The following BAD variants were observed in gnomAD, a reference collection of about 807,000 sequenced individuals.
The protein encoded by BAD is BCL2 associated agonist of cell death, also known as bcl2-associated agonist of cell death.
A neutral mutation model predicts 17.8 loss-of-function variants in BAD; 18 were observed. The observed-to-expected ratio is 1.01, with a 90% CI of 0.70 to 1.50. The LOEUF is 1.50. Among genes scored for constraint, BAD ranks in the 40% most tolerant of loss-of-function variants. BAD has a pLI of 0.00. For synonymous variants in BAD, 112 were observed against 91.5 expected (o/e 1.22, Z -1.28); for missense variants, 294 against 239.3 (o/e 1.23, Z -1.51).
intron 2 of BAD, among the ~76,000 whole-genome samples, chr11:64,273,277 G>A (rs2032776727): frequency 6.6e-6 from 1 of 152,228 alleles, no homozygotes; most frequent in South Asian, 2.1e-4. Flanking sequence ...GGAGGCTGAA[G>A]CAGGAGAACT....
At chr11:64,270,576 G>A (rs897648749) in intron 3 of BAD, 1 of 707,140 alleles carries the variant, frequency 1.4e-6, no homozygotes, top group South Asian at 1.5e-5. Flanking sequence ...AGGATGCCTA[G>A]GGCCCTAAAT....
At chr11:64,276,775 G>A in intron 2 of BAD, 1 of 616,414 alleles carries the variant, frequency 1.6e-6, no homozygotes, top group South Asian at 1.9e-5. Flanking sequence ...GCTCCTCCTT[G>A]GGTGTGAACG....
chr11:64,280,541 C>T (rs1174701388), intron 2 of BAD, among the ~76,000 whole-genome samples: 2 of 147,860 alleles, frequency 1.4e-5, no homozygotes, highest in South Asian at 2.2e-4. Context: ...TTAGTAGAGA[C>T]GGGGTTTCAC....
At chr11:64,276,747 G>A (rs929570444) in intron 2 of BAD, 2 of 587,298 alleles carry the variant, frequency 3.4e-6, no homozygotes, top group Non-Finnish European at 3.0e-6. Flanking sequence ...CCCTTCTCTG[G>A]GGAAGGGAAG....
chr11:64,273,951 G>A (rs902884459), intron 2 of BAD, among the ~76,000 whole-genome samples: 1 of 151,904 alleles, frequency 6.6e-6, no homozygotes, highest in African/African-American at 2.4e-5. Context: ...CTTTGGAGGA[G>A]GTAAATTACA....
intron 1 of BAD, 29 bp from the exon 2 acceptor site, chr11:64,284,405 G>C: frequency 6.2e-7 from 1 of 1,610,600 alleles, no homozygotes; most frequent in Non-Finnish European, 8.5e-7. Context: ...ACGTAGTCAA[G>C]GCACAGCTGG....
chr11:64,271,823 A>G lies in BAD; in HGVS notation c.188-20T>C. 7.3e-7 allele frequency: 1 copy of G among 1,373,384 alleles called. No homozygotes were observed. Among genetic ancestry groups the G allele is most frequent in the Non-Finnish European group, 9.4e-7 (1 of 1,062,274 alleles). The allele number at this position is 1,373,384 out of a possible 1,614,324, so 85.1% of individuals were successfully genotyped here. A position where few individuals can be genotyped will look rare whatever the true frequency, so the allele number is the denominator to read the frequency against. On this transcript the variant is annotated intron_variant, in intron 2 of 3. Coordinates refer to ENST00000309032, the MANE Select transcript of BAD (RefSeq NM_032989.3). The stretch of plus-strand genomic sequence containing the variant: ...CAGCGCCTGCAGAGGGTCAGTGGGT[A>G]GGGGGGCGACGTTAATCTCAGCTCC...
chr11:64,281,302 C>T (rs1037443463), intron 2 of BAD, among the ~76,000 whole-genome samples: 11 of 152,162 alleles, frequency 7.2e-5, no homozygotes, highest in Non-Finnish European at 5.9e-5. Context: ...ATCATCCTGA[C>T]TCCTCTCTTT....
Position 64,271,628 on chromosome 11 carries a change from A to C in BAD, c.363T>G (p.Phe121Leu). 1 of 1,499,616 alleles carries C rather than the reference A, an allele frequency of 6.7e-7. No homozygotes were observed. Among genetic ancestry groups the C allele is most frequent in the Admixed American group, 2.3e-5 (1 of 42,722 alleles). The allele number at this position is 1,499,616 out of a possible 1,614,324, so 92.9% of individuals were successfully genotyped here. A position where few individuals can be genotyped will look rare whatever the true frequency, so the allele number is the denominator to read the frequency against. The change falls in exon 3 of 4, where the codon TTT (phenylalanine) becomes TTG (leucine). Residue 121 changes from phenylalanine (F) to leucine (L), a missense_variant. Physicochemically the swap from Phe to Leu is conservative, Grantham distance 22 (BLOSUM62 0). Transcript: ENST00000309032. ...GRELRRMSDE[F>L]VDSFKKGLPR... ...TGGCGCTCACCTTAAAGGAGTCCAC[A>C]AACTCGTCACTCATCCTCCGGAGCT...
At chr11:64,273,016 A>C (rs1391301418) in intron 2 of BAD, among the ~76,000 whole-genome samples, 3 of 152,134 alleles carry the variant, frequency 2.0e-5, no homozygotes, top group Non-Finnish European at 4.4e-5. Context: ...GCTTGAGTTC[A>C]GGAGTTCGAG....
In BAD at chr11:64,269,845, G is replaced by T; in HGVS notation, c.*364C>A. ...GAAAAGCCTCGGCGGCACAGACGCG[G>T]GCTTTATTAACATTTGGTAGTGAGC... On this transcript the variant is annotated 3_prime_UTR_variant, in exon 4 of 4. Transcript: ENST00000309032. 1.4e-6 allele frequency: 1 copy of T among 695,586 alleles called. No homozygotes were observed. Among genetic ancestry groups the T allele is most frequent in the Non-Finnish European group, 2.6e-6 (1 of 382,430 alleles). The allele number at this position is 695,586 out of a possible 1,614,324, so 43.1% of individuals were successfully genotyped here. A position where few individuals can be genotyped will look rare whatever the true frequency, so the allele number is the denominator to read the frequency against.
At position 64,269,963 on chromosome 11, in the gene BAD, G is replaced by A. The variant is rs1016177531; in HGVS notation, c.*246C>T. 8 of 751,248 alleles carry A rather than the reference G, an allele frequency of 1.1e-5. No individual in the cohort carries two copies. Among genetic ancestry groups the A allele is most frequent in the Non-Finnish European group, 1.6e-5 (7 of 440,096 alleles). The allele number at this position is 751,248 out of a possible 1,614,324, so 46.5% of individuals were successfully genotyped here. On this transcript the variant is annotated 3_prime_UTR_variant, in exon 4 of 4. Transcript: ENST00000309032. ...AGCGCAGGCGCCTGGGGGAAAGCCCGGAGCCTGAGGGCGGGGCCACGGAGC... is the reference window on the plus strand; with the variant it reads ...AGCGCAGGCGCCTGGGGGAAAGCCCAGAGCCTGAGGGCGGGGCCACGGAGC...
intron 3 of BAD, among the ~76,000 whole-genome samples, chr11:64,270,823 T>C (rs2032453662): frequency 6.6e-6 from 1 of 151,992 alleles, no homozygotes; most frequent in African/African-American, 2.4e-5. Flanking sequence ...GCATGCCTGG[T>C]CTTCCAAGAA....
At chr11:64,271,336 G>T (rs2032572978) in intron 3 of BAD, among the ~76,000 whole-genome samples, 1 of 96,470 alleles carries the variant, frequency 1.0e-5, no homozygotes, top group African/African-American at 4.3e-5. Flanking sequence ...ACACACACAC[G>T]CCTGGAGTGG....
intron 3 of BAD, 103 bp from the exon 4 acceptor site, chr11:64,270,440 A>G: frequency 1.4e-6 from 2 of 1,421,760 alleles, no homozygotes; most frequent in Non-Finnish European, 1.9e-6. Context: ...CGGGGGGGAG[A>G]TAATGAAGGC....
At chr11:64,284,042 T>G in intron 2 of BAD, 140 bp downstream of exon 2, 1 of 1,045,208 alleles carries the variant, frequency 9.6e-7, no homozygotes, top group African/African-American at 1.6e-5. Flanking sequence ...TAATTGCTGT[T>G]TTACGAAAGA....
At position 64,284,321 on chromosome 11, in the gene BAD, G is replaced by T; in HGVS notation, c.48C>A (p.Ser16Arg). 6.2e-7 allele frequency: 1 copy of T among 1,612,768 alleles called. No individual in the cohort carries two copies. The change falls in exon 2 of 4, where the codon AGC becomes AGA. Residue 16 changes from serine to arginine, a missense_variant. By Grantham distance (110) the Ser-to-Arg change is moderately radical. Coordinates refer to ENST00000309032, the MANE Select transcript of BAD (RefSeq NM_032989.3). ...EFEPSEQEDS[S>R]SAERGLGPSP... ...TGGGGCCCAGGCCCCTCTCTGCAGA[G>T]CTGGAGTCTTCCTGCTCACTCGGCT...
chr11:64,272,876 A>G (rs1412438403), intron 2 of BAD: 1 of 152,212 alleles, frequency 6.6e-6, no homozygotes, highest in Non-Finnish European at 1.5e-5. Context: ...TGAGGGGATA[A>G]TCCTAGCCCT....
intron 3 of BAD, 130 bp from the exon 4 acceptor site, chr11:64,270,467 C>T: frequency 1.2e-5 from 16 of 1,320,616 alleles, no homozygotes; most frequent in Non-Finnish European, 1.5e-5. Context: ...TCCCAGGAGG[C>T]TCCACGCCGG....
Sources: gnomAD v4.1 joint callset for allele counts (sites outside exome capture counted in the v4.1 genomes callset) on GRCh38, gnomAD v4.1.1 for gene constraint, MANE v1.5 for transcripts, NCBI Gene and HGNC (gene_info 2026-07-23, HGNC 2026-07-21) for gene names.